Variants in PLGRKT observed in about 807,000 individuals in gnomAD.
PLGRKT encodes the protein plasminogen receptor with a C-terminal lysine.
In PLGRKT, 22 loss-of-function variants were observed where a neutral mutation model predicts 18.5. That is an observed-to-expected ratio of 1.19 (90% CI 0.85 to 1.70). The LOEUF (loss-of-function observed/expected upper bound fraction) is 1.70. Among genes scored for constraint, PLGRKT ranks in the 40% most tolerant of loss-of-function variants. The pLI, the probability that PLGRKT is intolerant of heterozygous loss-of-function variation, is 0.00. For synonymous variants in PLGRKT, 72 were observed against 52.8 expected (o/e 1.36, Z -1.58); for missense variants, 235 against 174.4 (o/e 1.35, Z -1.96).
intron 3 of PLGRKT, chr9:5,381,748 T>C (rs1817750839): frequency 3.6e-6 from 1 of 279,748 alleles, no homozygotes; most frequent in South Asian, 1.4e-4. Context: ...CTTCACTTGT[T>C]GCCTCTGTGT....
intron 5 of PLGRKT, among the ~76,000 whole-genome samples, chr9:5,360,230 TA>T (rs1817232692): frequency 6.6e-6 from 1 of 152,254 alleles, no homozygotes; most frequent in Non-Finnish European, 1.5e-5. Flanking sequence ...ACTTACAATG[TA>T]ATAGTTACAG....
upstream of PLGRKT, among the ~76,000 whole-genome samples, chr9:5,438,068 G>A (rs1818997825): frequency 6.6e-6 from 1 of 152,174 alleles, no homozygotes; most frequent in Admixed American, 6.5e-5. Flanking sequence ...CGGCGACTCA[G>A]CTGCCAGATT....
chr9:5,361,874 G>A lies in PLGRKT; in HGVS notation c.96C>T (p.Leu32=), dbSNP rs751222087. The change falls in exon 4 of 6, where the codon CTC becomes CTT. Residue 32 remains leucine, a synonymous_variant. Transcript: ENST00000223864. Reference sequence around the variant, plus strand: ...TTTCCCTCATTTCACTCTGCATGATGAGCTGCCTTTCCAGCTAAGGACAAA... The same window carrying A: ...TTTCCCTCATTTCACTCTGCATGATAAGCTGCCTTTCCAGCTAAGGACAAA... ...MNARLQLERQ[L]IMQSEMRERQ... The A allele has an allele frequency of 2.5e-6, 4 of 1,612,786 alleles. No individual in the cohort carries two copies. The highest frequency in any genetic ancestry group is 3.4e-6 in the Non-Finnish European group (4 of 1,179,500).
intron 3 of PLGRKT, among the ~76,000 whole-genome samples, chr9:5,417,583 C>T (rs750620693): frequency 6.7e-5 from 10 of 149,922 alleles, no homozygotes; most frequent in Non-Finnish European, 1.2e-4. Flanking sequence ...AAAAAAAACA[C>T]CTGCGAATGG....
intron 3 of PLGRKT, among the ~76,000 whole-genome samples, chr9:5,377,407 G>T (rs1404641282): frequency 2.0e-5 from 3 of 151,956 alleles, no homozygotes; most frequent in African/African-American, 4.8e-5. Context: ...ACATTAAAAA[G>T]GAAAAATGTA....
intron 3 of PLGRKT, among the ~76,000 whole-genome samples, chr9:5,386,086 C>T (rs1272505435): frequency 6.6e-6 from 1 of 151,756 alleles, no homozygotes; most frequent in Non-Finnish European, 1.5e-5. Flanking sequence ...AGAACAGATG[C>T]AAGAAAATGC....
At chr9:5,420,608 C>T (rs1818557504) in intron 3 of PLGRKT, among the ~76,000 whole-genome samples, 1 of 152,056 alleles carries the variant, frequency 6.6e-6, no homozygotes, top group African/African-American at 2.4e-5. Flanking sequence ...GCCATGCTGC[C>T]CCTTTAAGAA....
chr9:5,367,058 C>CAA (rs1310205320), intron 3 of PLGRKT, among the ~76,000 whole-genome samples: 4 of 150,032 alleles, frequency 2.7e-5, no homozygotes, highest in African/African-American at 7.3e-5. Context: ...CACACACACA[C>CAA]ACACACACAC....
chr9:5,431,805 T>G (rs1586748370), intron 3 of PLGRKT, 92 bp downstream of exon 3: 1 of 663,900 alleles, frequency 1.5e-6, no homozygotes, highest in East Asian at 2.6e-5. Flanking sequence ...CATTTTATTG[T>G]TGGGAGTCAA....
chr9:5,396,126 T>C (rs1340554333), intron 3 of PLGRKT, among the ~76,000 whole-genome samples: 1 of 151,558 alleles, frequency 6.6e-6, no homozygotes. Context: ...ACTCCTGACC[T>C]GAGGTGATCA....
At position 5,362,277 on chromosome 9, in the gene PLGRKT, C is replaced by T. The variant is rs115687612; in HGVS notation, c.82-389G>A. Among the ~76,000 whole-genome samples the T allele has an allele frequency of 2.1e-3, 322 of 152,278 alleles. 2 individuals carry two copies. The highest frequency in any genetic ancestry group is 7.2e-3 in the African/African-American group (299 of 41,564). On this transcript the variant is annotated intron_variant, in intron 3 of 5. Transcript: ENST00000223864. ...TTCTACTTGCATGGAAATCTGCCTT[C>T]CAAATCCATTCCAAATTGAAATTTA...
At chr9:5,404,689 C>G (rs1002461703) in intron 3 of PLGRKT, among the ~76,000 whole-genome samples, 3 of 152,292 alleles carry the variant, frequency 2.0e-5, no homozygotes. Context: ...TGGGCAAAAG[C>G]TGGAAGCATT....
At chr9:5,433,341 G>C (rs1051137799) in intron 2 of PLGRKT, among the ~76,000 whole-genome samples, 8 of 148,442 alleles carry the variant, frequency 5.4e-5, no homozygotes, top group African/African-American at 2.0e-4. Flanking sequence ...CTTCCTGACC[G>C]CCCATCGTCT....
chr9:5,388,106 G>A (rs1169649730), intron 3 of PLGRKT, among the ~76,000 whole-genome samples: 1 of 151,860 alleles, frequency 6.6e-6, no homozygotes, highest in Non-Finnish European at 1.5e-5. Flanking sequence ...GAAATTATGA[G>A]ACTGGATGAA....
chr9:5,404,775 C>T (rs965047677), intron 3 of PLGRKT, among the ~76,000 whole-genome samples: 1 of 152,080 alleles, frequency 6.6e-6, no homozygotes, highest in African/African-American at 2.4e-5. Context: ...AAGTCCTAGC[C>T]AGGTCAATCA....
At chr9:5,404,142 C>G (rs1420310269) in intron 3 of PLGRKT, among the ~76,000 whole-genome samples, 1 of 152,096 alleles carries the variant, frequency 6.6e-6, no homozygotes, top group Non-Finnish European at 1.5e-5. Context: ...AACAGCCTAC[C>G]AACCAAAAAC....
intron 3 of PLGRKT, among the ~76,000 whole-genome samples, chr9:5,364,993 G>C (rs1479661658): frequency 1.3e-5 from 2 of 152,142 alleles, no homozygotes; most frequent in Non-Finnish European, 2.9e-5. Flanking sequence ...AGGCATTCAT[G>C]GCTTAGTGTA....
intron 3 of PLGRKT, among the ~76,000 whole-genome samples, chr9:5,424,343 A>C (rs1818637641): frequency 7.4e-6 from 1 of 134,696 alleles, no homozygotes; most frequent in South Asian, 2.2e-4. Context: ...ATAATATATT[A>C]TCATTAATAA....
chr9:5,409,093 T>C (rs4541987), intron 3 of PLGRKT, among the ~76,000 whole-genome samples: 7 of 152,142 alleles, frequency 4.6e-5, no homozygotes, highest in African/African-American at 1.7e-4. Context: ...AGAACCTCTA[T>C]TAGAGCAGTA....
Sources: gnomAD v4.1 joint callset for allele counts (sites outside exome capture counted in the v4.1 genomes callset) on GRCh38, gnomAD v4.1.1 for gene constraint, MANE v1.5 for transcripts, NCBI Gene and HGNC (gene_info 2026-07-23, HGNC 2026-07-21) for gene names.